PIEZO1: variants seen among roughly 807,000 people sequenced by gnomAD.
The protein encoded by PIEZO1 is piezo-type mechanosensitive ion channel component 1.
PIEZO1 carries 296 observed loss-of-function variants against 297.2 expected under a neutral mutation model. The observed-to-expected ratio is 1.00, with a 90% CI of 0.91 to 1.10. The LOEUF (loss-of-function observed/expected upper bound fraction) is 1.10, where lower values mean the gene tolerates loss of function less well. PIEZO1 is among the 50% of genes least tolerant of loss of function. The probability of loss-of-function intolerance (pLI) is 0.00; values close to 1 mark genes in which losing one functional copy is unlikely to be tolerated. For synonymous variants in PIEZO1, 2,427 were observed against 1,507.5 expected (o/e 1.61, Z -14.13); for missense variants, 5,018 against 3,455.5 (o/e 1.45, Z -11.34).
chr16:88,742,231 G>A, intron 3 of PIEZO1, 69 bp downstream of exon 3: 10 of 1,504,454 alleles, frequency 6.6e-6, no homozygotes, highest in Non-Finnish European at 8.0e-6. Context: ...AGGAGACTCG[G>A]GGTCACTGCA....
intron 21 of PIEZO1, 92 bp downstream of exon 21, chr16:88,732,243 G>A (rs1030803127): frequency 6.0e-5 from 69 of 1,146,872 alleles, no homozygotes; most frequent in Non-Finnish European, 7.9e-5. Context: ...AAACCCAGGT[G>A]GGGCCAGGCT....
Position 88,721,090 on chromosome 16 carries a change from T to C in PIEZO1, c.5668+76A>G, listed in dbSNP as rs967358653. On this transcript the variant is annotated intron_variant, in intron 39 of 50. Transcript: ENST00000301015. ...TCGCACTGGGCTTGGCCGTCTCATC[T>C]GAGAAAGACCCTCCCTGCAGTAGCC... 5 of 1,381,924 alleles carry C rather than the reference T, an allele frequency of 3.6e-6. No homozygotes were observed. The South Asian group carries it at 4.5e-5, about 12-fold the overall frequency. 85.6% of individuals were successfully genotyped at this position (1,381,924 alleles called of 1,614,324 possible).
At chr16:88,732,766 A>C in intron 19 of PIEZO1, 34 bp from the exon 20 acceptor site, 2 of 1,514,230 alleles carry the variant, frequency 1.3e-6, no homozygotes, top group Non-Finnish European at 1.8e-6. Context: ...GCCCCCTCCC[A>C]GGCCACAGTG....
Position 88,784,965 on chromosome 16 carries a change from G to T in PIEZO1, c.-1C>A, listed in dbSNP as rs1024667118. On this transcript the variant is annotated 5_prime_UTR_variant, in exon 1 of 51. Transcript: ENST00000301015. ...CCGCGCCGAGCACGTGCGGCTCCAT[G>T]GCTGGAGGGCCCAGGGCCCGGCCCA... 4 of 1,364,822 alleles carry T rather than the reference G, an allele frequency of 2.9e-6. No individual in the cohort carries two copies. The African/African-American group carries it at 6.0e-5, about 21-fold the overall frequency. The allele number at this position is 1,364,822 out of a possible 1,614,324, so 84.5% of individuals were successfully genotyped here.
In PIEZO1 at chr16:88,726,966, G is replaced by T; in HGVS notation, c.3456-8C>A. 6.5e-7 allele frequency: 1 copy of T among 1,550,188 alleles called. No individual in the cohort carries two copies. Among genetic ancestry groups the T allele is most frequent in the Admixed American group, 2.0e-5 (1 of 51,010 alleles). On this transcript the variant is annotated splice_polypyrimidine_tract_variant and splice_region_variant and intron_variant, in intron 24 of 50. Coordinates refer to ENST00000301015, the MANE Select transcript of PIEZO1 (RefSeq NM_001142864.4). ...AGCATGTCAAGGTAGGACCTGCCAG[G>T]CCGGAGCGTCAGGGCGGGCGCCCCG...
At position 88,727,619 on chromosome 16, in the gene PIEZO1, G is replaced by C; in HGVS notation, c.3239C>G (p.Ala1080Gly). The change falls in exon 23 of 51, where the codon GCA becomes GGA. Residue 1080 changes from alanine to glycine, a missense_variant. Ala to Gly is a moderately conservative substitution (Grantham distance 60). Transcript: ENST00000301015. ...RWSRAVPMNS[A>G]LIKWLYLPDF... ...AGGCAGGTACAGCCACTTGATGAGT[G>C]CGGAGTTCATGGGGACGGCCCGGCT... 4 of 1,528,192 alleles carry C rather than the reference G, an allele frequency of 2.6e-6. No homozygotes were observed. Among genetic ancestry groups the C allele is most frequent in the Non-Finnish European group, 3.5e-6 (4 of 1,132,530 alleles). 94.7% of individuals were successfully genotyped at this position (1,528,192 alleles called of 1,614,324 possible).
chr16:88,738,768 G>A, intron 5 of PIEZO1, 32 bp from the exon 6 acceptor site: 5 of 1,511,656 alleles, frequency 3.3e-6, no homozygotes, highest in Non-Finnish European at 3.5e-6. Flanking sequence ...GCAAGGTCAG[G>A]TGTATCGCAC....
rs754991886 is a variant in PIEZO1 at position 88,725,068 on chromosome 16, G to C, written c.4175C>G (p.Pro1392Arg). The C allele has an allele frequency of 2.0e-6, 3 of 1,511,220 alleles. No individual in the cohort carries two copies. In the African/African-American group the frequency reaches 4.3e-5, roughly 21 times the overall value. 93.6% of individuals were successfully genotyped at this position (1,511,220 alleles called of 1,614,324 possible). ...DPGLEPGPDSPGGSSPPRRQW... is the reference protein window; with the variant it reads ...DPGLEPGPDSRGGSSPPRRQW... ...CCTCCGTGGCGGGGAGGAGCCCCCT[G>C]GACTGTCGGGCCCTGTGGAGGGGCA... The change falls in exon 30 of 51, where the codon CCA becomes CGA. Residue 1392 changes from proline to arginine, a missense_variant. By Grantham distance (103) the Pro-to-Arg change is moderately radical. Transcript: ENST00000301015.
intron 1 of PIEZO1, among the ~76,000 whole-genome samples, chr16:88,759,410 T>G (rs1186669098): frequency 6.6e-6 from 1 of 152,258 alleles, no homozygotes; most frequent in African/African-American, 2.4e-5. Flanking sequence ...GCCGGGGTCC[T>G]GGTCCAAGCC....
intron 2 of PIEZO1, 102 bp from the exon 3 acceptor site, chr16:88,742,524 A>G (rs1044259236): frequency 1.1e-4 from 135 of 1,282,764 alleles, no homozygotes; most frequent in Non-Finnish European, 1.4e-4. Flanking sequence ...CAGAGCCCAG[A>G]GGCCTGAGAT....
At chr16:88,732,292 A>G (rs1904906366) in intron 21 of PIEZO1, 43 bp downstream of exon 21, 2 of 1,507,732 alleles carry the variant, frequency 1.3e-6, no homozygotes, top group Admixed American at 3.9e-5. Flanking sequence ...TCCCTCCCGA[A>G]GGCCAAGCCC....
chr16:88,726,986 GC>G, intron 24 of PIEZO1, 28 bp from the exon 25 acceptor site: 1 of 1,549,288 alleles, frequency 6.5e-7, no homozygotes, highest in Non-Finnish European at 8.7e-7. Context: ...CAGGGCGGGC[GC>G]CCCGGCCACC....
intron 1 of PIEZO1, among the ~76,000 whole-genome samples, chr16:88,770,905 A>G (rs2142898713): frequency 6.6e-6 from 1 of 152,278 alleles, no homozygotes; most frequent in African/African-American, 2.4e-5. Flanking sequence ...AGCTCTAACT[A>G]TAGGAATCCG....
Position 88,723,285 on chromosome 16 carries a change from C to T in PIEZO1, c.4379G>A (p.Arg1460Lys), listed in dbSNP as rs1904297285. 8.4e-6 allele frequency: 13 copies of T among 1,541,282 alleles called. No homozygotes were observed. Among genetic ancestry groups the T allele is most frequent in the Non-Finnish European group, 1.1e-5 (13 of 1,146,800 alleles). Reference protein sequence around the residue: ...AWVTNAQAVLRRRQQEQEQAR... With the variant: ...AWVTNAQAVLKRRQQEQEQAR... ...CTGCTCCTGCTCCTGCTGCCGCCGC[C>T]TCAGCACCGCCTGGGCGTTGGTCAC... The change falls in exon 32 of 51, where the codon AGG (arginine) becomes AAG (lysine). Residue 1460 changes from arginine (R) to lysine (K), a missense_variant. Transcript: ENST00000301015.
rs561642675 is a variant in PIEZO1 at position 88,751,498 on chromosome 16, G to A, written c.65-2019C>T. On this transcript the variant is annotated intron_variant, in intron 1 of 50. Transcript: ENST00000301015. ...GGCCTCGGCTTAGCGCACACATCGC[G>A]GAGTGCCGGGCTCCGGGGGGCACCG... is the stretch of plus-strand genomic sequence containing the variant. Among the ~76,000 whole-genome samples, 4 of 152,326 alleles carry A rather than the reference G, an allele frequency of 2.6e-5. No individual in the cohort carries two copies. In the East Asian group the frequency reaches 7.7e-4, roughly 29 times the overall value.
chr16:88,743,066 GCACCCA>G (rs758520112), intron 2 of PIEZO1: 246 of 456,550 alleles, frequency 5.4e-4, no homozygotes, highest in Admixed American at 1.9e-3. Context: ...CTCTCTCTGT[GCACCCA>G]CACCTGGCAG....
chr16:88,733,775 A>G (rs1476329242), intron 17 of PIEZO1, 30 bp from the exon 18 acceptor site: 1 of 1,497,624 alleles, frequency 6.7e-7, no homozygotes, highest in Non-Finnish European at 8.9e-7. Flanking sequence ...AGTGCGGGGC[A>G]CAAACGGGGA....
intron 1 of PIEZO1, 136 bp downstream of exon 1, chr16:88,784,765 G>A (rs1208218053): frequency 3.6e-6 from 2 of 558,300 alleles, no homozygotes; most frequent in Non-Finnish European, 5.4e-6. Context: ...CGGGCGCCCG[G>A]GTCGCGCGTC....
chr16:88,768,555 CTCCCGGGGG>C (rs1415656970), intron 1 of PIEZO1, among the ~76,000 whole-genome samples: 2 of 152,278 alleles, frequency 1.3e-5, no homozygotes, highest in Non-Finnish European at 2.9e-5. Context: ...AGCAGCCGAA[CTCCCGGGGG>C]TCCCGGGTGG....
Sources: allele counts gnomAD v4.1 joint callset (sites outside exome capture counted in the v4.1 genomes callset), GRCh38; gene constraint gnomAD v4.1.1; transcripts MANE v1.5; gene names NCBI Gene and HGNC (gene_info 2026-07-23, HGNC 2026-07-21).